Variants in MAP3K15 observed in about 807,000 individuals in gnomAD.
MAP3K15 encodes mitogen-activated protein kinase kinase kinase 15, also known as MAPK/ERK kinase kinase 15.
A neutral mutation model predicts 99.5 loss-of-function variants in MAP3K15; 124 were observed. The observed-to-expected ratio is 1.25, with a 90% CI of 1.08 to 1.45. The LOEUF is 1.45. MAP3K15 is among the 40% of genes most tolerant of loss of function. The pLI, the probability that MAP3K15 is intolerant of heterozygous loss-of-function variation, is 0.00. For synonymous variants in MAP3K15, 494 were observed against 439.6 expected, an observed-to-expected ratio of 1.12 and a Z score of -1.55; for missense variants, 1,242 against 1,079.7, an observed-to-expected ratio of 1.15 and a Z score of -2.11.
intron 6 of MAP3K15, among the ~76,000 whole-genome samples, chrX:19,447,690 C>T (rs1472356048): frequency 2.0e-5 from 2 of 99,113 alleles, no homozygotes; most frequent in Non-Finnish European, 4.1e-5. Context: ...GAGACCATCC[C>T]GGCTAAAAGC....
Position 19,361,281 on chromosome X carries a change from A to G in MAP3K15, c.3857+58T>C. 1.0e-6 allele frequency: 1 copy of G among 963,509 alleles called. No individual in the cohort carries two copies. Among genetic ancestry groups the G allele is most frequent in the African/African-American group, 1.9e-5 (1 of 52,634 alleles). The allele number at this position is 963,509 out of a possible 1,213,427, so 79.4% of individuals were successfully genotyped here. A position where few individuals can be genotyped will look rare whatever the true frequency, so the allele number is the denominator to read the frequency against. The stretch of plus-strand genomic sequence containing the variant: ...CCAGCCCTTTGTTTTCTGCTCTTGA[A>G]GCATATTCACACATAAAAAGTTGTA... On this transcript the variant is annotated intron_variant, in intron 28 of 28. Transcript: ENST00000338883.
chrX:19,459,371 G>T (rs1272129167), intron 5 of MAP3K15, among the ~76,000 whole-genome samples: 1 of 112,264 alleles, frequency 8.9e-6, no homozygotes, highest in African/African-American at 3.2e-5. Flanking sequence ...TTGGTACAAT[G>T]CCTAGTGTAA....
chrX:19,424,321 T>TATATATAC (rs2063813739), intron 9 of MAP3K15, among the ~76,000 whole-genome samples: 1 of 87,882 alleles, frequency 1.1e-5, no homozygotes, highest in African/African-American at 5.7e-5. Context: ...TATATATACA[T>TATATATAC]ATATATATAT....
chrX:19,472,081 G>A (rs778445569), intron 3 of MAP3K15, among the ~76,000 whole-genome samples: 10 of 110,200 alleles, frequency 9.1e-5, no homozygotes, highest in Admixed American at 2.9e-4. Context: ...AACATTAGCC[G>A]GGCGTAGTGG....
chrX:19,417,336 G>A (rs111974892), intron 9 of MAP3K15, among the ~76,000 whole-genome samples: 7,965 of 111,729 alleles, frequency 0.071, 705 homozygotes, highest in African/African-American at 0.24. Context: ...AAATCGGGTC[G>A]CTCCCACCCT....
chrX:19,436,604 C>G (rs1457223788), intron 6 of MAP3K15, among the ~76,000 whole-genome samples: 2 of 111,463 alleles, frequency 1.8e-5, no homozygotes, highest in Non-Finnish European at 3.8e-5. Context: ...AAAATCCAGA[C>G]TCACATATCC....
Position 19,373,542 on chromosome X carries a change from A to T in MAP3K15, c.2927T>A (p.Leu976His), listed in dbSNP as rs754122463. ...AGACAGAATACGGGTGTACCTGAGGAGGTGGCCAAGGTGGTGCCTGGGCGC... is the reference window on the plus strand; with the variant it reads ...AGACAGAATACGGGTGTACCTGAGGTGGTGGCCAAGGTGGTGCCTGGGCGC... ...TRAPRHHLGH[L>H]LSVPDESSAL... is the part of the protein sequence containing the mutation. The change falls in exon 21 of 29, where the codon CTC becomes CAC. Residue 976 changes from leucine (L) to histidine (H), a missense_variant. By Grantham distance (99) the Leu-to-His change is moderately conservative. Coordinates refer to ENST00000338883, the MANE Select transcript of MAP3K15 (RefSeq NM_001001671.4). 8.6e-7 allele frequency: 1 copy of T among 1,169,313 alleles called. No homozygotes were observed. Among genetic ancestry groups the T allele is most frequent in the South Asian group, 1.9e-5 (1 of 52,832 alleles).
At chrX:19,474,518 C>A (rs2064227713) in intron 3 of MAP3K15, among the ~76,000 whole-genome samples, 1 of 79,109 alleles carries the variant, frequency 1.3e-5, no homozygotes, top group African/African-American at 4.8e-5. Context: ...AGTTCTAAAC[C>A]TGAGATCCAG....
intron 3 of MAP3K15, among the ~76,000 whole-genome samples, chrX:19,482,641 A>G (rs1433585415): frequency 8.9e-6 from 1 of 112,005 alleles, no homozygotes; most frequent in Non-Finnish European, 1.9e-5. Flanking sequence ...GGTCAGGGAA[A>G]TGCTCTAAAA....
At chrX:19,381,390 G>A (rs2063457333) in intron 18 of MAP3K15, among the ~76,000 whole-genome samples, 1 of 112,113 alleles carries the variant, frequency 8.9e-6, no homozygotes, top group Non-Finnish European at 1.9e-5. Context: ...TGGGGAGTCT[G>A]CAGCCCCAAG....
At chrX:19,510,391 A>G (rs2147439430) in intron 1 of MAP3K15, among the ~76,000 whole-genome samples, 1 of 112,318 alleles carries the variant, frequency 8.9e-6, no homozygotes, top group African/African-American at 3.2e-5. Flanking sequence ...CTGGTTCAAC[A>G]TACGCAAATC....
chrX:19,512,971 G>C (rs966316969), intron 1 of MAP3K15, among the ~76,000 whole-genome samples: 2 of 111,575 alleles, frequency 1.8e-5, no homozygotes, highest in Non-Finnish European at 3.8e-5. Flanking sequence ...ACGAATCCAG[G>C]AGACAGTGGA....
At chrX:19,507,781 C>T (rs2064489632) in intron 1 of MAP3K15, among the ~76,000 whole-genome samples, 1 of 109,432 alleles carries the variant, frequency 9.1e-6, no homozygotes, top group African/African-American at 3.3e-5. Flanking sequence ...GAACACTCTG[C>T]ACTTTTCTTC....
At chrX:19,362,692 A>C in intron 26 of MAP3K15, 46 bp downstream of exon 26, 1 of 763,605 alleles carries the variant, frequency 1.3e-6, no homozygotes, top group Non-Finnish European at 2.0e-6. Flanking sequence ...AGCTAACTAG[A>C]ATATTAGCTA....
chrX:19,406,723 T>C (rs748550150), intron 13 of MAP3K15, among the ~76,000 whole-genome samples: 1 of 113,052 alleles, frequency 8.8e-6, no homozygotes, highest in East Asian at 2.8e-4. Flanking sequence ...TTTTTTGAAG[T>C]GGAGTTTCGC....
At chrX:19,461,992 AACACACAC>A (rs66666219) in intron 4 of MAP3K15, among the ~76,000 whole-genome samples, 20 of 100,598 alleles carry the variant, frequency 2.0e-4, no homozygotes, top group Admixed American at 4.4e-4. Context: ...CTTGGTCTAA[AACACACAC>A]ACACACACAC....
chrX:19,453,499 C>T (rs1417799890), intron 6 of MAP3K15, among the ~76,000 whole-genome samples: 1 of 103,147 alleles, frequency 9.7e-6, no homozygotes, highest in Admixed American at 1.1e-4. Flanking sequence ...GCGTCTCAGG[C>T]CAAAAAAAAA....
chrX:19,437,372 G>C (rs1222981260), intron 6 of MAP3K15, among the ~76,000 whole-genome samples: 1 of 111,458 alleles, frequency 9.0e-6, no homozygotes, highest in Non-Finnish European at 1.9e-5. Context: ...TGGCCTGTAA[G>C]GATCTACAAG....
chrX:19,469,172 A>G (rs1321218081), intron 3 of MAP3K15, among the ~76,000 whole-genome samples: 2 of 111,785 alleles, frequency 1.8e-5, no homozygotes, highest in African/African-American at 6.5e-5. Flanking sequence ...ACGGTAACCA[A>G]AACAGCATGG....
Sources: gnomAD v4.1 joint callset for allele counts (sites outside exome capture counted in the v4.1 genomes callset) on GRCh38, gnomAD v4.1.1 for gene constraint, MANE v1.5 for transcripts, NCBI Gene and HGNC (gene_info 2026-07-23, HGNC 2026-07-21) for gene names.